Variants in KIAA1671 observed in about 807,000 individuals in gnomAD.
KIAA1671 encodes uncharacterized protein KIAA1671.
KIAA1671 carries 52 observed loss-of-function variants against 131.2 expected under a neutral mutation model. The observed-to-expected ratio is 0.40, with a 90% confidence interval of 0.32 to 0.50. The LOEUF (loss-of-function observed/expected upper bound fraction) is 0.50, where lower values mean the gene tolerates loss of function less well. Ranked by LOEUF, KIAA1671 falls within the 20% of genes least tolerant of loss-of-function variation. The pLI is 0.73. For synonymous variants in KIAA1671, 1,003 were observed against 961.6 expected, an observed-to-expected ratio of 1.04 and a Z score of -0.80; for missense variants, 2,360 against 2,364.2, an observed-to-expected ratio of 1.00 and a Z score of 0.04.
chr22:25,127,977 A>G (rs372689131), intron 6 of KIAA1671, among the ~76,000 whole-genome samples: 3 of 152,202 alleles, frequency 2.0e-5, no homozygotes, highest in Admixed American at 6.5e-5. Context: ...AGGGGTACAG[A>G]TGGGCCTGAG....
Position 25,097,632 on chromosome 22 carries a change from C to G in KIAA1671, c.4530+48268C>G, listed in dbSNP as rs535452901. 4.6e-3 allele frequency among the ~76,000 whole-genome samples: 691 copies of G among 151,712 alleles called. 3 individuals are homozygous for G. The highest frequency in any genetic ancestry group is 6.7e-3 in the Non-Finnish European group (453 of 67,928). Reference sequence around the variant, plus strand: ...GCGGGTGCCTGTAGTCCCAGCTACTCGGGAGGCTGAGGCAGGAGAATGGCG... The same window carrying G: ...GCGGGTGCCTGTAGTCCCAGCTACTGGGGAGGCTGAGGCAGGAGAATGGCG... On this transcript the variant is annotated intron_variant, in intron 6 of 12. Transcript: ENST00000358431.
intron 11 of KIAA1671, among the ~76,000 whole-genome samples, chr22:25,188,028 T>C (rs1934535189): frequency 6.6e-6 from 1 of 152,170 alleles, no homozygotes; most frequent in Non-Finnish European, 1.5e-5. Flanking sequence ...AGGCTGGGCA[T>C]GGTGGCTCAC....
At chr22:24,976,421 C>A (rs945038701) in intron 1 of KIAA1671, among the ~76,000 whole-genome samples, 1 of 152,250 alleles carries the variant, frequency 6.6e-6, no homozygotes, top group African/African-American at 2.4e-5. Context: ...GTTCCTGTTT[C>A]TTTCCATCTG....
intron 6 of KIAA1671, among the ~76,000 whole-genome samples, chr22:25,147,980 C>T (rs1932916028): frequency 8.4e-6 from 1 of 119,522 alleles, no homozygotes; most frequent in African/African-American, 4.3e-5. Context: ...CTCCCTTCCC[C>T]TCCCTCCCTC....
chr22:25,074,713 C>T (rs1026115229), intron 6 of KIAA1671, among the ~76,000 whole-genome samples: 4 of 152,084 alleles, frequency 2.6e-5, no homozygotes, highest in African/African-American at 9.7e-5. Flanking sequence ...TATTTATCAT[C>T]TATCTGTCTG....
At chr22:25,172,083 A>T (rs1311088502) in intron 7 of KIAA1671, among the ~76,000 whole-genome samples, 1 of 152,224 alleles carries the variant, frequency 6.6e-6, no homozygotes, top group African/African-American at 2.4e-5. Flanking sequence ...CCACTGACCC[A>T]TGAAATATGT....
At position 25,174,365 on chromosome 22, in the gene KIAA1671, G is replaced by A. The variant is rs16979690; in HGVS notation, c.4775G>A (p.Arg1592Lys). The change falls in exon 8 of 13, where the codon AGG (arginine) becomes AAG (lysine). Residue 1592 changes from arginine to lysine, a missense_variant. Around this residue, in one of 3 missense-constraint regions of KIAA1671, gnomAD observed 1,161 missense variants for 1,204.7 expected, o/e 0.96. Transcript: ENST00000358431. Reference protein sequence around the residue: ...TSAGDQYDCSRDQRSTSVDHS... With the variant: ...TSAGDQYDCSKDQRSTSVDHS... ...GCAGGGGACCAGTATGACTGCTCCA[G>A]GGACCAGCGGAGCACCAGCGTGGAC... 0.014 allele frequency: 22,352 copies of A among 1,551,948 alleles called. 2,619 individuals are homozygous for A. In the African/African-American group the frequency reaches 0.26, roughly 18 times the overall value.
chr22:25,037,077 C>CT (rs1926642378), intron 4 of KIAA1671, among the ~76,000 whole-genome samples: 1 of 152,046 alleles, frequency 6.6e-6, no homozygotes, highest in Non-Finnish European at 1.5e-5. Context: ...AATCTCAACA[C>CT]TTTGGGAGGC....
At position 25,089,330 on chromosome 22, in the gene KIAA1671, A is replaced by G. The variant is rs531969529; in HGVS notation, c.4530+39966A>G. Among the ~76,000 whole-genome samples, 5 of 136,534 alleles carry G rather than the reference A, an allele frequency of 3.7e-5. No individual in the cohort carries two copies. The South Asian group carries it at 9.2e-4, about 25-fold the overall frequency. The allele number at this position is 136,534 out of a possible 152,430, so 89.6% of individuals were successfully genotyped here. ...GCTCTTGTTGCCCAGGCTGGAGTGC[A>G]GTGGCGCGATCTCGGCTCACTGCAA... On this transcript the variant is annotated intron_variant, in intron 6 of 12. Coordinates refer to ENST00000358431, the MANE Select transcript of KIAA1671 (RefSeq NM_001145206.2).
chr22:24,964,278 A>C (rs933946920), intron 1 of KIAA1671, among the ~76,000 whole-genome samples: 12 of 152,058 alleles, frequency 7.9e-5, no homozygotes, highest in Admixed American at 5.9e-4. Flanking sequence ...GCAGTGAGCC[A>C]AGATTGTGCT....
chr22:25,150,107 G>A (rs945418665), intron 6 of KIAA1671, among the ~76,000 whole-genome samples: 1 of 152,226 alleles, frequency 6.6e-6, no homozygotes, highest in Non-Finnish European at 1.5e-5. Flanking sequence ...TCATACAGTA[G>A]GTGCTGATGA....
At position 25,157,640 on chromosome 22, in the gene KIAA1671, A is replaced by G. The variant is rs534605268; in HGVS notation, c.4531-13180A>G. On this transcript the variant is annotated intron_variant, in intron 6 of 12. Transcript: ENST00000358431. ...AAGAACATCAAATTTGTCTATCTCCATGCAAGAGTGCCACAGTACTTCTAG... is the reference window on the plus strand; with the variant it reads ...AAGAACATCAAATTTGTCTATCTCCGTGCAAGAGTGCCACAGTACTTCTAG... 3.3e-5 allele frequency among the ~76,000 whole-genome samples: 5 copies of G among 152,172 alleles called. No homozygotes were observed. The South Asian group carries it at 1.0e-3, about 32-fold the overall frequency.
In KIAA1671 at chr22:25,039,778, C is replaced by T; in HGVS notation, c.2648C>T (p.Pro883Leu). 6.7e-7 allele frequency: 1 copy of T among 1,503,198 alleles called. No homozygotes were observed. Among genetic ancestry groups the T allele is most frequent in the Non-Finnish European group, 8.9e-7 (1 of 1,121,010 alleles). 93.1% of individuals were successfully genotyped at this position (1,503,198 alleles called of 1,614,324 possible). ...GCAAGGGGCCCACCCCAGGGATGCC[C>T]CCTCGATCCTCTTTCCAGGGCTACG... The part of the protein sequence containing the change: ...VGARGPPQGC[P>L]LDPLSRATNG... Residue 883 changes from proline (P) to leucine (L), a missense_variant, in exon 5 of 13, where the codon CCC (proline) becomes CTC (leucine). This residue lies in a region of KIAA1671 where 1,161 missense variants were observed against 1,204.7 expected (regional missense o/e 0.96). Coordinates refer to ENST00000358431, the MANE Select transcript of KIAA1671 (RefSeq NM_001145206.2).
At chr22:25,094,504 G>C (rs1476418071) in intron 6 of KIAA1671, among the ~76,000 whole-genome samples, 1 of 152,108 alleles carries the variant, frequency 6.6e-6, no homozygotes, top group Non-Finnish European at 1.5e-5. Context: ...GTGAGAGTGA[G>C]AACACCCCTC....
Position 25,029,112 on chromosome 22 carries a change from G to T in KIAA1671, c.1113G>T (p.Val371=), listed in dbSNP as rs969634015. The change falls in exon 3 of 13, where the codon GTG becomes GTT. Residue 371 remains valine, a synonymous_variant. Transcript: ENST00000358431. ...AGATGGGCAGCCCCAGAGCCCTGGT[G>T]GGGGGCTCATCTGGGGTCACCCCCA... ...KPEMGSPRAL[V]GGSSGVTPSN... 1.8e-5 allele frequency: 27 copies of T among 1,470,196 alleles called. No individual in the cohort carries two copies. The African/African-American group carries it at 3.1e-4, about 17-fold the overall frequency. The allele number at this position is 1,470,196 out of a possible 1,614,324, so 91.1% of individuals were successfully genotyped here.
intron 1 of KIAA1671, among the ~76,000 whole-genome samples, chr22:25,016,455 G>T (rs763099983): frequency 7.2e-5 from 11 of 152,148 alleles, no homozygotes; most frequent in Non-Finnish European, 1.3e-4. Flanking sequence ...GGGTTGAGCC[G>T]AATCAGAATC....
At chr22:25,141,088 G>A (rs879708035) in intron 6 of KIAA1671, among the ~76,000 whole-genome samples, 1 of 152,116 alleles carries the variant, frequency 6.6e-6, no homozygotes, top group Non-Finnish European at 1.5e-5. Context: ...AGAACCAGAC[G>A]TTAAACATGT....
intron 6 of KIAA1671, among the ~76,000 whole-genome samples, chr22:25,150,607 C>T (rs987683932): frequency 1.3e-5 from 2 of 152,168 alleles, no homozygotes; most frequent in African/African-American, 2.4e-5. Flanking sequence ...TCTCGCTCTT[C>T]CCTGGCATGG....
intron 10 of KIAA1671, among the ~76,000 whole-genome samples, chr22:25,182,349 CT>C: frequency 1.3e-5 from 1 of 79,044 alleles, no homozygotes; most frequent in African/African-American, 3.7e-5. Context: ...TCCTCCCTCC[CT>C]TTCTCTTCTT....
Sources: gnomAD v4.1 joint callset for allele counts (sites outside exome capture counted in the v4.1 genomes callset) on GRCh38, gnomAD v4.1.1 for gene constraint, gnomAD v4.1.1 regional missense constraint, MANE v1.5 for transcripts, NCBI Gene and HGNC (gene_info 2026-07-23, HGNC 2026-07-21) for gene names.